Variants in FHIT observed in about 807,000 individuals in gnomAD.
The protein encoded by FHIT is bis(5'-adenosyl)-triphosphatase.
FHIT carries 19 observed loss-of-function variants against 17.9 expected under a neutral mutation model. That is an observed-to-expected ratio of 1.06 (90% CI 0.74 to 1.56). The LOEUF is 1.56. Among genes scored for constraint, FHIT ranks in the 40% most tolerant of loss-of-function variants. The pLI is 0.00. For synonymous variants in FHIT, 81 were observed against 69.7 expected (o/e 1.16, Z -0.81); for missense variants, 248 against 189.2 (o/e 1.31, Z -1.82).
chr3:61,248,767 A>G (rs572045365), intron 1 of FHIT, among the ~76,000 whole-genome samples: 114 of 152,350 alleles, frequency 7.5e-4, no homozygotes, highest in African/African-American at 2.6e-3. Flanking sequence ...AAGGATACCA[A>G]ATAGAAAAGC....
intron 5 of FHIT, among the ~76,000 whole-genome samples, chr3:60,452,703 C>T (rs1488038439): frequency 6.6e-6 from 1 of 152,108 alleles, no homozygotes; most frequent in East Asian, 1.9e-4. Flanking sequence ...TGCTCAATAA[C>T]CCCTGTCTTC....
chr3:60,523,576 A>C (rs2035457684), intron 5 of FHIT, among the ~76,000 whole-genome samples: 1 of 152,190 alleles, frequency 6.6e-6, no homozygotes. Context: ...AAAGCCATAA[A>C]AACTTGACTA....
chr3:60,121,589 C>T (rs1241061717), intron 5 of FHIT, among the ~76,000 whole-genome samples: 1 of 152,008 alleles, frequency 6.6e-6, no homozygotes, highest in Admixed American at 6.6e-5. Context: ...GAGGCTGAGG[C>T]AGGAAAATCC....
At chr3:60,182,709 G>A (rs1701989844) in intron 5 of FHIT, among the ~76,000 whole-genome samples, 1 of 151,980 alleles carries the variant, frequency 6.6e-6, no homozygotes, top group African/African-American at 2.4e-5. Context: ...CTTGAGCCTG[G>A]GAGCTTGACA....
chr3:60,519,371 G>T (rs1019998172), intron 5 of FHIT, among the ~76,000 whole-genome samples: 1 of 152,114 alleles, frequency 6.6e-6, no homozygotes, highest in Non-Finnish European at 1.5e-5. Flanking sequence ...ACACCAAATA[G>T]TTTGAATATA....
chr3:60,067,106 T>C (rs2106952228), intron 5 of FHIT, among the ~76,000 whole-genome samples: 1 of 152,258 alleles, frequency 6.6e-6, no homozygotes. Flanking sequence ...ACCCAGGGAC[T>C]AAAAGCTCCC....
At chr3:61,028,282 C>T (rs2032836459) in intron 3 of FHIT, among the ~76,000 whole-genome samples, 1 of 152,132 alleles carries the variant, frequency 6.6e-6, no homozygotes, top group South Asian at 2.1e-4. Context: ...ACTATGGAGA[C>T]ATACAAAGAA....
intron 5 of FHIT, among the ~76,000 whole-genome samples, chr3:60,365,117 T>C (rs1700054745): frequency 6.7e-6 from 1 of 149,412 alleles, no homozygotes; most frequent in East Asian, 1.9e-4. Context: ...GAACATTATA[T>C]ATATAATACT....
intron 4 of FHIT, among the ~76,000 whole-genome samples, chr3:60,623,334 C>G (rs1425890059): frequency 6.6e-6 from 1 of 152,116 alleles, no homozygotes; most frequent in African/African-American, 2.4e-5. Flanking sequence ...CATGCCATCT[C>G]AATTTAACAT....
At chr3:60,707,645 A>T (rs906441045) in intron 4 of FHIT, among the ~76,000 whole-genome samples, 67 of 152,344 alleles carry the variant, frequency 4.4e-4, no homozygotes, top group African/African-American at 1.3e-3. Flanking sequence ...CTCTTCTGGA[A>T]GTGCCAATTA....
intron 8 of FHIT, among the ~76,000 whole-genome samples, chr3:59,770,490 C>T (rs965463090): frequency 8.5e-5 from 13 of 152,102 alleles, no homozygotes; most frequent in African/African-American, 1.2e-4. Context: ...ATTGGGGTGA[C>T]GGATCTCTAA....
intron 5 of FHIT, among the ~76,000 whole-genome samples, chr3:60,057,724 A>T (rs1195604501): frequency 6.6e-6 from 1 of 151,716 alleles, no homozygotes; most frequent in African/African-American, 2.4e-5. Context: ...GCAAACTGAA[A>T]CTCACCAGAT....
At chr3:59,761,190 G>C (rs887925339) in intron 8 of FHIT, among the ~76,000 whole-genome samples, 1 of 152,198 alleles carries the variant, frequency 6.6e-6, no homozygotes, top group Non-Finnish European at 1.5e-5. Flanking sequence ...GACTCCCAGG[G>C]TTCAGTAGAG....
intron 8 of FHIT, among the ~76,000 whole-genome samples, chr3:59,795,446 A>C (rs1036383856): frequency 6.6e-6 from 1 of 152,038 alleles, no homozygotes; most frequent in Non-Finnish European, 1.5e-5. Flanking sequence ...GGCTGTATTC[A>C]TAAAGGATAC....
intron 5 of FHIT, among the ~76,000 whole-genome samples, chr3:60,331,015 T>C (rs374440779): frequency 5.3e-5 from 8 of 152,332 alleles, no homozygotes; most frequent in African/African-American, 1.7e-4. Context: ...TTCAAGATTC[T>C]TCCAAGGCTT....
chr3:60,958,151 A>G (rs62267340), intron 3 of FHIT, among the ~76,000 whole-genome samples: 1 of 152,048 alleles, frequency 6.6e-6, no homozygotes, highest in Non-Finnish European at 1.5e-5. Flanking sequence ...ATCTGTGCTT[A>G]TATTTAAGCT....
At chr3:60,717,032 TA>T (rs2107953629) in intron 4 of FHIT, among the ~76,000 whole-genome samples, 1 of 152,294 alleles carries the variant, frequency 6.6e-6, no homozygotes, top group East Asian at 1.9e-4. Flanking sequence ...CTAAGTTAAA[TA>T]AGCCAAACAT....
chr3:59,912,431 T>C lies in FHIT; in HGVS notation c.348+9915A>G, dbSNP rs145234006. Among the ~76,000 whole-genome samples, 181 of 152,326 alleles carry C rather than the reference T, an allele frequency of 1.2e-3. 1 individual carries two copies. The highest frequency in any genetic ancestry group is 4.2e-3 in the African/African-American group (173 of 41,580). ...TCAATATCAACTGATAGGGTCAAGATTACCAGAGAAGCCAGCTGAAATTTC... is the reference window on the plus strand; with the variant it reads ...TCAATATCAACTGATAGGGTCAAGACTACCAGAGAAGCCAGCTGAAATTTC... On this transcript the variant is annotated intron_variant, in intron 8 of 9. Coordinates refer to ENST00000492590, the MANE Select transcript of FHIT (RefSeq NM_002012.4).
rs984227979 is a variant in FHIT, at chr3:60,641,302, A to C, written c.-17-104323T>G. On this transcript the variant is annotated intron_variant, in intron 4 of 9. Coordinates refer to ENST00000492590, the MANE Select transcript of FHIT (RefSeq NM_002012.4). ...TCTTGAGTTTTGCATATATGTAAGAATATTTTTACAAAGTAAAAATACAAT... is the reference window on the plus strand; with the variant it reads ...TCTTGAGTTTTGCATATATGTAAGACTATTTTTACAAAGTAAAAATACAAT... 4.6e-5 allele frequency among the ~76,000 whole-genome samples: 7 copies of C among 152,348 alleles called. No homozygotes were observed. The East Asian group carries it at 1.3e-3, about 29-fold the overall frequency.
Sources: gnomAD v4.1 joint callset for allele counts (sites outside exome capture counted in the v4.1 genomes callset) on GRCh38, gnomAD v4.1.1 for gene constraint, MANE v1.5 for transcripts, NCBI Gene and HGNC (gene_info 2026-07-23, HGNC 2026-07-21) for gene names.